Variants in FGF12 observed in about 807,000 individuals in gnomAD.
FGF12 encodes fibroblast growth factor 12B.
Under a neutral mutation model 23.6 loss-of-function variants are expected in FGF12, and 14 were observed. The ratio of observed to expected loss-of-function variants is 0.59; its 90% CI spans 0.39 to 0.93. The LOEUF is 0.93. FGF12 is among the 40% of genes least tolerant of loss of function. The probability of loss-of-function intolerance (pLI) is 0.00; values close to 1 mark genes in which losing one functional copy is unlikely to be tolerated. For missense variants in FGF12, 175 were observed against 217.8 expected, an observed-to-expected ratio of 0.80 and a Z score of 1.24; for synonymous variants, 62 against 77.3, an observed-to-expected ratio of 0.80 and a Z score of 1.04.
intron 4 of FGF12, among the ~76,000 whole-genome samples, chr3:192,324,224 G>T (rs564980650): frequency 1.3e-5 from 2 of 152,014 alleles, no homozygotes; most frequent in East Asian, 1.9e-4. Context: ...AACAGATAAA[G>T]TCTTGAGCCT....
At chr3:192,168,071 TA>T (rs1481101648) in intron 5 of FGF12, among the ~76,000 whole-genome samples, 1 of 151,744 alleles carries the variant, frequency 6.6e-6, no homozygotes, top group African/African-American at 2.4e-5. Context: ...GGCCTAGGTG[TA>T]TTTTTAAGTG....
At chr3:192,512,859 T>TATATATATATATATAAAA (rs376386122) in intron 2 of FGF12, among the ~76,000 whole-genome samples, 10 of 57,408 alleles carry the variant, frequency 1.7e-4, no homozygotes, top group African/African-American at 3.9e-4. Flanking sequence ...TATATATATA[T>TATATATATATATATAAAA]AACAGGCTAT....
chr3:192,591,300 C>A (rs1713612834), intron 2 of FGF12, among the ~76,000 whole-genome samples: 2 of 151,314 alleles, frequency 1.3e-5, no homozygotes, highest in African/African-American at 4.8e-5. Flanking sequence ...CTCTTACATA[C>A]ATTTTTTAAA....
chr3:192,321,375 T>G (rs1189596260), intron 4 of FGF12, among the ~76,000 whole-genome samples: 1 of 151,312 alleles, frequency 6.6e-6, no homozygotes, highest in African/African-American at 2.4e-5. Flanking sequence ...ATAATTTTAT[T>G]AAACATTTAA....
intron 2 of FGF12, among the ~76,000 whole-genome samples, chr3:192,651,650 C>A (rs1267068433): frequency 6.6e-6 from 1 of 152,176 alleles, no homozygotes; most frequent in Non-Finnish European, 1.5e-5. Context: ...ACCACTGTCA[C>A]TTTGGGTCAT....
intron 2 of FGF12, among the ~76,000 whole-genome samples, chr3:192,474,905 G>T (rs1402481604): frequency 6.7e-6 from 1 of 148,170 alleles, no homozygotes; most frequent in East Asian, 2.0e-4. Context: ...AAAAAAGAAA[G>T]AAAGGAAAAA....
At chr3:192,637,858 C>T (rs1017378143) in intron 2 of FGF12, among the ~76,000 whole-genome samples, 1 of 152,098 alleles carries the variant, frequency 6.6e-6, no homozygotes, top group Non-Finnish European at 1.5e-5. Flanking sequence ...CCTTAAATTC[C>T]AAAAAGCACA....
chr3:192,490,718 A>G (rs1723777301), intron 2 of FGF12, among the ~76,000 whole-genome samples: 1 of 152,254 alleles, frequency 6.6e-6, no homozygotes, highest in South Asian at 2.1e-4. Context: ...ACAAATTGCA[A>G]CTATAGCCAC....
At chr3:192,530,138 T>A (rs1449225945) in intron 2 of FGF12, among the ~76,000 whole-genome samples, 2 of 152,116 alleles carry the variant, frequency 1.3e-5, no homozygotes, top group Non-Finnish European at 2.9e-5. Context: ...TTTTTTTTTT[T>A]AATTTGACAT....
At chr3:192,415,484 T>C (rs1721319571) in intron 2 of FGF12, among the ~76,000 whole-genome samples, 1 of 152,060 alleles carries the variant, frequency 6.6e-6, no homozygotes, top group African/African-American at 2.4e-5. Flanking sequence ...GATGCATGGG[T>C]CATCCCAAAG....
chr3:192,299,833 T>C (rs1023708204), intron 4 of FGF12, among the ~76,000 whole-genome samples: 1 of 152,190 alleles, frequency 6.6e-6, no homozygotes, highest in Non-Finnish European at 1.5e-5. Context: ...CACAAAACAC[T>C]GAGCCAGTCA....
chr3:192,723,860 T>TGA (rs201705134), intron 2 of FGF12, among the ~76,000 whole-genome samples: 6 of 119,114 alleles, frequency 5.0e-5, no homozygotes, highest in Admixed American at 3.4e-4. Flanking sequence ...TGTGTGTGTG[T>TGA]GTGAGAGAGA....
intron 2 of FGF12, among the ~76,000 whole-genome samples, chr3:192,464,003 G>A (rs908729461): frequency 9.2e-5 from 14 of 152,004 alleles, no homozygotes; most frequent in African/African-American, 3.4e-4. Flanking sequence ...TTAGATCAGT[G>A]GTTCTACTCT....
chr3:192,390,901 T>C (rs1254120790), intron 2 of FGF12, among the ~76,000 whole-genome samples: 3 of 152,126 alleles, frequency 2.0e-5, no homozygotes, highest in Non-Finnish European at 2.9e-5. Context: ...ACAAAGCAGA[T>C]TGGGTTCTGG....
At chr3:192,242,602 T>C (rs1719679858) in intron 4 of FGF12, among the ~76,000 whole-genome samples, 1 of 151,976 alleles carries the variant, frequency 6.6e-6, no homozygotes, top group Non-Finnish European at 1.5e-5. Context: ...CAAATTAATA[T>C]GAAACCTGAA....
chr3:192,212,161 T>G (rs1173865501), intron 4 of FGF12, among the ~76,000 whole-genome samples: 1 of 152,248 alleles, frequency 6.6e-6, no homozygotes, highest in Non-Finnish European at 1.5e-5. Context: ...AGAAGTTGAT[T>G]GCTCTTCCAA....
At chr3:192,557,439 G>T (rs1031162623) in intron 2 of FGF12, among the ~76,000 whole-genome samples, 1 of 151,808 alleles carries the variant, frequency 6.6e-6, no homozygotes. Flanking sequence ...CAAAAAGGAT[G>T]AGCCCATGAC....
At chr3:192,319,888 G>T (rs1341719766) in intron 4 of FGF12, among the ~76,000 whole-genome samples, 1 of 151,998 alleles carries the variant, frequency 6.6e-6, no homozygotes, top group African/African-American at 2.4e-5. Flanking sequence ...TATGCTAGCA[G>T]AGAAAATCAC....
intron 2 of FGF12, among the ~76,000 whole-genome samples, chr3:192,593,338 A>C (rs1449480505): frequency 1.3e-5 from 2 of 151,650 alleles, no homozygotes; most frequent in African/African-American, 2.4e-5. Flanking sequence ...CCTCATGATC[A>C]TACGTAGAAT....
Sources: allele counts gnomAD v4.1 joint callset (sites outside exome capture counted in the v4.1 genomes callset), GRCh38; gene constraint gnomAD v4.1.1; transcripts MANE v1.5; gene names NCBI Gene and HGNC (gene_info 2026-07-23, HGNC 2026-07-21).